Variants in PDE11A observed in about 807,000 individuals in gnomAD.
PDE11A encodes the protein phosphodiesterase 11A, also known as dual 3',5'-cyclic-AMP and -GMP phosphodiesterase 11A.
In PDE11A, 100 loss-of-function variants were observed where a neutral mutation model predicts 100.5. That is an observed-to-expected ratio of 1.00 (90% CI 0.85 to 1.18). The LOEUF (loss-of-function observed/expected upper bound fraction) is 1.18, where lower values mean the gene tolerates loss of function less well. Ranked by LOEUF, PDE11A falls within the 50% of genes most tolerant of loss-of-function variation. The pLI is 0.00. For missense variants in PDE11A, 1,141 were observed against 1,152.6 expected, an observed-to-expected ratio of 0.99 and a Z score of 0.15; for synonymous variants, 381 against 420.8, an observed-to-expected ratio of 0.91 and a Z score of 1.16.
At chr2:177,961,120 C>T (rs542242420) in intron 2 of PDE11A, among the ~76,000 whole-genome samples, 1 of 152,280 alleles carries the variant, frequency 6.6e-6, no homozygotes, top group South Asian at 2.1e-4. Context: ...CCAGGTTTCT[C>T]AGCCCAACAT....
At chr2:178,096,197 T>G (rs926112608) in intron 2 of PDE11A, among the ~76,000 whole-genome samples, 1 of 146,464 alleles carries the variant, frequency 6.8e-6, no homozygotes, top group African/African-American at 2.6e-5. Flanking sequence ...GGAGTCTCGC[T>G]CTGTCGCCCA....
In PDE11A at chr2:177,772,885, CAT is replaced by C. The variant is rs377259213; in HGVS notation, c.1738-3514_1738-3513del. Among the ~76,000 whole-genome samples the C allele has an allele frequency of 1.7e-3, 263 of 152,300 alleles. 2 individuals carry two copies. The highest frequency in any genetic ancestry group is 0.016 in the East Asian group (81 of 5,192). ...TTTTGGATTCAAGTCCTCTGTCAGA[CAT>C]ATGTTTCATAAATATTACCTCCAGT... On this transcript the variant is annotated intron_variant, in intron 9 of 19. Transcript: ENST00000286063.
chr2:177,957,068 AAAAG>A (rs1299830101), intron 2 of PDE11A, among the ~76,000 whole-genome samples: 1 of 152,030 alleles, frequency 6.6e-6, no homozygotes, highest in African/African-American at 2.4e-5. Flanking sequence ...AAAATAAAAA[AAAAG>A]AAAAGAGCAA....
chr2:178,050,458 G>A (rs2086809155), intron 1 of PDE11A, among the ~76,000 whole-genome samples: 1 of 152,156 alleles, frequency 6.6e-6, no homozygotes, highest in Non-Finnish European at 1.5e-5. Context: ...TCCTCTAACG[G>A]AACGCAGCTC....
At chr2:177,705,568 T>C (rs1381271437) in intron 13 of PDE11A, among the ~76,000 whole-genome samples, 3 of 152,320 alleles carry the variant, frequency 2.0e-5, no homozygotes, top group Non-Finnish European at 4.4e-5. Context: ...AATTTCCCTA[T>C]AGGCATTTGG....
At chr2:177,781,226 G>C (rs1189521909) in intron 9 of PDE11A, among the ~76,000 whole-genome samples, 1 of 152,230 alleles carries the variant, frequency 6.6e-6, no homozygotes, top group Non-Finnish European at 1.5e-5. Context: ...CTGGTCAGCA[G>C]AGCAGTCAGA....
chr2:177,899,749 AATAT>A (rs1366478822), intron 3 of PDE11A, among the ~76,000 whole-genome samples: 1 of 148,640 alleles, frequency 6.7e-6, no homozygotes, highest in African/African-American at 2.4e-5. Flanking sequence ...ATATATATAA[AATAT>A]ATATACCCTC....
intron 16 of PDE11A, 74 bp downstream of exon 16, chr2:177,680,752 A>G (rs2080849950): frequency 2.5e-6 from 2 of 796,296 alleles, no homozygotes; most frequent in South Asian, 1.4e-5. Flanking sequence ...CTATGCTCTT[A>G]GTACTGTCAG....
rs1278817899 is a variant in PDE11A at position 177,623,429 on chromosome 2, C to T, written c.*5978G>A. On this transcript the variant is annotated 3_prime_UTR_variant, in exon 20 of 20. Transcript: ENST00000286063. ...TGATTTCAAACAACTCAATTGAAAACGTATTTCCTTTCTTTCGTGTAAAAC... is the reference window on the plus strand; with the variant it reads ...TGATTTCAAACAACTCAATTGAAAATGTATTTCCTTTCTTTCGTGTAAAAC... 2 of 152,168 alleles carry T rather than the reference C, an allele frequency of 1.3e-5. No individual in the cohort carries two copies. Among genetic ancestry groups the T allele is most frequent in the East Asian group, 3.8e-4 (2 of 5,196 alleles). The allele number at this position is 152,168 out of a possible 1,614,324, so 9.4% of individuals were successfully genotyped here.
Position 177,816,928 on chromosome 2 carries a change from A to T in PDE11A, c.1645-7T>A. On this transcript the variant is annotated splice_region_variant and splice_polypyrimidine_tract_variant and intron_variant, in intron 8 of 19. Transcript: ENST00000286063. The stretch of plus-strand genomic sequence containing the variant: ...CACAAAAGATGACAAAAGCCTAGGA[A>T]AGAGCAAACCTGCTAATTAAACATT... 1 of 1,559,210 alleles carries T rather than the reference A, an allele frequency of 6.4e-7. No individual in the cohort carries two copies.
chr2:177,776,424 C>T (rs2082378618), intron 9 of PDE11A, among the ~76,000 whole-genome samples: 1 of 152,188 alleles, frequency 6.6e-6, no homozygotes, highest in Non-Finnish European at 1.5e-5. Context: ...ACCCCCACCT[C>T]ACAACATCTC....
At chr2:178,009,664 T>C (rs966508125) in intron 2 of PDE11A, among the ~76,000 whole-genome samples, 2 of 152,180 alleles carry the variant, frequency 1.3e-5, no homozygotes, top group African/African-American at 4.8e-5. Context: ...CTACAGGGTA[T>C]ATGTATTACA....
chr2:177,847,283 C>T (rs2083616728), intron 5 of PDE11A, among the ~76,000 whole-genome samples: 1 of 152,100 alleles, frequency 6.6e-6, no homozygotes, highest in Non-Finnish European at 1.5e-5. Flanking sequence ...GTGATAGTTC[C>T]CAATAGGTCT....
intron 7 of PDE11A, among the ~76,000 whole-genome samples, chr2:177,818,568 T>C (rs1166583774): frequency 6.6e-6 from 1 of 152,060 alleles, no homozygotes; most frequent in Non-Finnish European, 1.5e-5. Context: ...TCATAAAGCA[T>C]TTAGCATATT....
intron 1 of PDE11A, among the ~76,000 whole-genome samples, chr2:178,037,412 C>T (rs2086627691): frequency 2.6e-5 from 4 of 152,156 alleles, no homozygotes; most frequent in Admixed American, 2.6e-4. Context: ...AACACGTTTA[C>T]ACCATTGGTG....
chr2:178,054,789 C>A (rs2086877016), intron 1 of PDE11A, among the ~76,000 whole-genome samples: 1 of 152,128 alleles, frequency 6.6e-6, no homozygotes, highest in Non-Finnish European at 1.5e-5. Flanking sequence ...AAATCAAAAC[C>A]ACAATGAGAT....
chr2:177,824,169 T>C (rs1440584412), intron 6 of PDE11A, among the ~76,000 whole-genome samples: 1 of 152,128 alleles, frequency 6.6e-6, no homozygotes, highest in Non-Finnish European at 1.5e-5. Flanking sequence ...TTGAGGTTTC[T>C]GGCTTGAGTA....
intron 2 of PDE11A, among the ~76,000 whole-genome samples, chr2:177,961,405 C>T (rs906117894): frequency 4.6e-5 from 7 of 152,150 alleles, no homozygotes; most frequent in Non-Finnish European, 8.8e-5. Flanking sequence ...GTATCGCTGG[C>T]AACATGCCTT....
At chr2:177,729,916 T>A (rs563292253) in intron 10 of PDE11A, among the ~76,000 whole-genome samples, 54 of 152,208 alleles carry the variant, frequency 3.5e-4, no homozygotes, top group Admixed American at 3.3e-3. Flanking sequence ...GAGGCTTAGC[T>A]TTAGCTGTAG....
Sources: allele counts gnomAD v4.1 joint callset (sites outside exome capture counted in the v4.1 genomes callset), GRCh38; gene constraint gnomAD v4.1.1; transcripts MANE v1.5; gene names NCBI Gene and HGNC (gene_info 2026-07-23, HGNC 2026-07-21).